TRMT11: variants seen among roughly 807,000 people sequenced by gnomAD.
TRMT11 encodes the protein tRNA (guanine(10)-N(2))-methyltransferase TRMT11.
A neutral mutation model predicts 62.8 loss-of-function variants in TRMT11; 53 were observed. The observed-to-expected ratio is 0.84, with a 90% CI of 0.68 to 1.06. The LOEUF (loss-of-function observed/expected upper bound fraction) is 1.06. Ranked by LOEUF, TRMT11 falls within the 50% of genes least tolerant of loss-of-function variation. TRMT11 has a pLI of 0.00. For missense variants in TRMT11, 556 were observed against 553.4 expected, an observed-to-expected ratio of 1.00 and a Z score of -0.05; for synonymous variants, 188 against 190.3, an observed-to-expected ratio of 0.99 and a Z score of 0.10.
the TRMT11 span, among the ~76,000 whole-genome samples, chr6:126,266,379 C>T: frequency 1.3e-5 from 2 of 152,158 alleles, no homozygotes; most frequent in Non-Finnish European, 2.9e-5. Flanking sequence ...GGTAACCACT[C>T]GTGTGTGCTA....
At chr6:126,065,189 G>A (rs556820356) in intron 17 of TRMT11, among the ~76,000 whole-genome samples, 48 of 152,258 alleles carry the variant, frequency 3.2e-4, no homozygotes, top group Non-Finnish European at 5.7e-4. Flanking sequence ...TAGGTATATA[G>A]TTCAACAAGT....
the TRMT11 span, among the ~76,000 whole-genome samples, chr6:126,237,762 A>G: frequency 6.6e-6 from 1 of 152,196 alleles, no homozygotes; most frequent in Non-Finnish European, 1.5e-5. Flanking sequence ...CAAAGAACAC[A>G]GGGAAGATTA....
At chr6:126,012,457 T>C (rs1336051290) in intron 9 of TRMT11, among the ~76,000 whole-genome samples, 1 of 152,250 alleles carries the variant, frequency 6.6e-6, no homozygotes, top group African/African-American at 2.4e-5. Flanking sequence ...ATAGCTTTTA[T>C]GGCATATATT....
intron 21 of TRMT11, among the ~76,000 whole-genome samples, chr6:126,122,040 T>C (rs1777655564): frequency 6.6e-6 from 1 of 152,076 alleles, no homozygotes; most frequent in South Asian, 2.1e-4. Flanking sequence ...GGTTTTCCCA[T>C]GCTGTTCTTG....
chr6:126,152,540 A>T (rs1778071702), intron 21 of TRMT11, among the ~76,000 whole-genome samples: 1 of 152,188 alleles, frequency 6.6e-6, no homozygotes, highest in South Asian at 2.1e-4. Flanking sequence ...TGAAGAGATT[A>T]CTGGGAGACA....
chr6:126,080,272 T>C (rs1562318702), intron 17 of TRMT11, among the ~76,000 whole-genome samples: 1 of 152,068 alleles, frequency 6.6e-6, no homozygotes, highest in South Asian at 2.1e-4. Flanking sequence ...TTTATTTTTT[T>C]TTTGTCTTAA....
upstream of TRMT11, among the ~76,000 whole-genome samples, chr6:126,175,196 A>G (rs1778371801): frequency 6.6e-6 from 1 of 152,198 alleles, no homozygotes; most frequent in South Asian, 2.1e-4. Flanking sequence ...ATTCTTGTCA[A>G]TAATAGTTGG....
upstream of TRMT11, among the ~76,000 whole-genome samples, chr6:126,176,007 A>T (rs1034382270): frequency 2.6e-4 from 39 of 152,332 alleles, no homozygotes; most frequent in African/African-American, 7.0e-4. Context: ...GGAAACATTT[A>T]AAAAAGTTTT....
intron 17 of TRMT11, among the ~76,000 whole-genome samples, chr6:126,061,540 A>ATT (rs5879799): frequency 1.1e-4 from 15 of 135,424 alleles, no homozygotes; most frequent in South Asian, 4.9e-4. Context: ...GGATCAGTCA[A>ATT]TTTTTTTTTT....
the TRMT11 span, among the ~76,000 whole-genome samples, chr6:126,218,192 A>G: frequency 6.6e-6 from 1 of 152,124 alleles, no homozygotes; most frequent in African/African-American, 2.4e-5. Flanking sequence ...TACCCCAAGA[A>G]CCCAGTTGGT....
chr6:126,024,999 C>T lies in TRMT11; in HGVS notation c.1260+3719C>T, dbSNP rs144959920. Among the ~76,000 whole-genome samples, 89 of 152,118 alleles carry T rather than the reference C, an allele frequency of 5.9e-4. 1 individual carries two copies. In the East Asian group the frequency reaches 0.016, roughly 27 times the overall value. ...ACCTGTAGATTTTGCAGTTTTAAGT[C>T]GTGATATTAGAAAGTAAAGTAAATG... On this transcript the variant is annotated intron_variant, in intron 12 of 12. Coordinates refer to ENST00000334379, the MANE Select transcript of TRMT11 (RefSeq NM_001031712.3).
intron 1 of TRMT11, among the ~76,000 whole-genome samples, chr6:126,183,341 C>G (rs1034972801): frequency 2.6e-5 from 4 of 152,034 alleles, no homozygotes; most frequent in African/African-American, 9.7e-5. Context: ...GTACTGAGAG[C>G]AAAAGTTTCT....
intron 1 of TRMT11, among the ~76,000 whole-genome samples, chr6:126,197,682 A>G (rs1193033769): frequency 6.6e-6 from 1 of 152,180 alleles, no homozygotes; most frequent in Non-Finnish European, 1.5e-5. Context: ...CCTTCCACAT[A>G]AATCAGCTTT....
intron 21 of TRMT11, among the ~76,000 whole-genome samples, chr6:126,135,844 A>G (rs1229400403): frequency 1.3e-5 from 2 of 151,902 alleles, no homozygotes; most frequent in African/African-American, 2.4e-5. Context: ...ACACAAATCA[A>G]TAAACACAAT....
At chr6:126,122,727 A>C (rs1777664712) in intron 21 of TRMT11, among the ~76,000 whole-genome samples, 1 of 152,142 alleles carries the variant, frequency 6.6e-6, no homozygotes, top group Non-Finnish European at 1.5e-5. Context: ...TCTAAGCATA[A>C]AAATGGACAA....
Position 126,013,028 on chromosome 6 carries a change from C to T in TRMT11, c.1066C>T (p.Leu356=), listed in dbSNP as rs571756966. ...SYHLSDMFLD[L]LNFAAETLVL... is the part of the protein sequence containing the mutation. Reference sequence around the variant, plus strand: ...TCATCTGAGTGATATGTTTCTTGACCTGTTAAACTTCGCAGCTGAGACCCT... The same window carrying T: ...TCATCTGAGTGATATGTTTCTTGACTTGTTAAACTTCGCAGCTGAGACCCT... The change falls in exon 11 of 13, where the codon CTG becomes TTG. Residue 356 remains leucine (L), a synonymous_variant. Coordinates refer to ENST00000334379, the MANE Select transcript of TRMT11 (RefSeq NM_001031712.3). 5.6e-6 allele frequency: 9 copies of T among 1,613,838 alleles called. No homozygotes were observed. In the Admixed American group the frequency reaches 1.2e-4, roughly 21 times the overall value.
the TRMT11 span, among the ~76,000 whole-genome samples, chr6:126,267,123 G>T: frequency 3.3e-5 from 5 of 152,144 alleles, no homozygotes; most frequent in Non-Finnish European, 7.4e-5. Flanking sequence ...CTTTGGAAAT[G>T]AATTTTAACT....
Position 125,993,779 on chromosome 6 carries a change from T to C in TRMT11, c.95T>C (p.Leu32Pro). 6.2e-7 allele frequency: 1 copy of C among 1,610,596 alleles called. No individual in the cohort carries two copies. Among genetic ancestry groups the C allele is most frequent in the Non-Finnish European group, 8.5e-7 (1 of 1,177,294 alleles). Residue 32 changes from leucine to proline, a missense_variant, in exon 2 of 13, where the codon CTT becomes CCT. Transcript: ENST00000334379. ...RLPEIKSLLL[L>P]FGGQFASSQE... ...CAGGAAATAAAGTCTTTGCTTTTGCTTTTTGGAGGTCAGTTTGCCAGCAGT... is the reference window on the plus strand; with the variant it reads ...CAGGAAATAAAGTCTTTGCTTTTGCCTTTTGGAGGTCAGTTTGCCAGCAGT...
At chr6:126,095,688 T>C (rs1027459203) in intron 17 of TRMT11, among the ~76,000 whole-genome samples, 1 of 152,066 alleles carries the variant, frequency 6.6e-6, no homozygotes, top group Non-Finnish European at 1.5e-5. Flanking sequence ...ACCAAACATA[T>C]AAAAATGAGA....
Sources: gnomAD v4.1 joint callset for allele counts (sites outside exome capture counted in the v4.1 genomes callset) on GRCh38, gnomAD v4.1.1 for gene constraint, MANE v1.5 for transcripts, NCBI Gene and HGNC (gene_info 2026-07-23, HGNC 2026-07-21) for gene names.